Variants in CAMKMT observed in about 807,000 individuals in gnomAD.
CAMKMT encodes the protein calmodulin-lysine N-methyltransferase, also known as CaM KMT.
A neutral mutation model predicts 48.0 loss-of-function variants in CAMKMT; 53 were observed. The observed-to-expected ratio is 1.10, with a 90% CI of 0.89 to 1.39. CAMKMT has a LOEUF of 1.39. Ranked by LOEUF, CAMKMT falls within the 40% of genes most tolerant of loss-of-function variation. The probability of loss-of-function intolerance (pLI) is 0.00; values close to 1 mark genes in which losing one functional copy is unlikely to be tolerated. For missense variants in CAMKMT, 428 were observed against 402.7 expected (o/e 1.06, Z -0.54); for synonymous variants, 165 against 152.3 (o/e 1.08, Z -0.61).
intron 7 of CAMKMT, among the ~76,000 whole-genome samples, chr2:44,740,123 C>CTTT (rs1558828998): frequency 7.7e-6 from 1 of 130,050 alleles, no homozygotes; most frequent in African/African-American, 2.9e-5. Context: ...CTGATTGCTG[C>CTTT]ATTTTTTTTT....
chr2:44,591,482 T>G (rs1670268541), intron 3 of CAMKMT, among the ~76,000 whole-genome samples: 1 of 152,150 alleles, frequency 6.6e-6, no homozygotes. Context: ...CCCTTGTAAG[T>G]TGGATTCCTA....
chr2:44,494,288 T>C (rs916509870), intron 3 of CAMKMT, among the ~76,000 whole-genome samples: 1 of 152,240 alleles, frequency 6.6e-6, no homozygotes, highest in Non-Finnish European at 1.5e-5. Context: ...ATGTCAACTC[T>C]TGTTGACTTG....
intron 3 of CAMKMT, among the ~76,000 whole-genome samples, chr2:44,582,867 C>G (rs909812488): frequency 1.3e-5 from 2 of 152,168 alleles, no homozygotes; most frequent in African/African-American, 4.8e-5. Context: ...AAGAAAGTGA[C>G]TCCCAGTTTC....
intron 3 of CAMKMT, among the ~76,000 whole-genome samples, chr2:44,695,867 G>A (rs1259564123): frequency 6.6e-6 from 1 of 150,630 alleles, no homozygotes; most frequent in Non-Finnish European, 1.5e-5. Flanking sequence ...CATGGATTCT[G>A]CATCTGAGGA....
intron 8 of CAMKMT, among the ~76,000 whole-genome samples, chr2:44,745,007 G>A (rs955532104): frequency 7.2e-5 from 11 of 152,100 alleles, no homozygotes; most frequent in African/African-American, 1.7e-4. Flanking sequence ...AAACCTCACC[G>A]TATGATTCGA....
At chr2:44,599,085 G>A (rs1670835730) in intron 3 of CAMKMT, among the ~76,000 whole-genome samples, 1 of 152,020 alleles carries the variant, frequency 6.6e-6, no homozygotes, top group African/African-American at 2.4e-5. Flanking sequence ...GTTGACACAT[G>A]TAAGTTCCTG....
intron 3 of CAMKMT, among the ~76,000 whole-genome samples, chr2:44,612,689 C>G (rs187491061): frequency 3.9e-5 from 6 of 152,146 alleles, no homozygotes; most frequent in Admixed American, 3.9e-4. Context: ...CAACATTGGC[C>G]AAATGCAGAT....
chr2:44,732,617 A>G (rs1679139077), intron 7 of CAMKMT, among the ~76,000 whole-genome samples: 2 of 152,230 alleles, frequency 1.3e-5, no homozygotes, highest in South Asian at 4.1e-4. Flanking sequence ...CTATAGGCAC[A>G]TGTCACCATG....
At chr2:44,539,362 G>C (rs1218593658) in intron 3 of CAMKMT, among the ~76,000 whole-genome samples, 4 of 148,646 alleles carry the variant, frequency 2.7e-5, no homozygotes, top group Non-Finnish European at 5.9e-5. Context: ...TGTCTATATT[G>C]TTTTTCTGAA....
intron 2 of CAMKMT, among the ~76,000 whole-genome samples, chr2:44,375,934 T>C (rs981432919): frequency 2.6e-5 from 4 of 151,990 alleles, no homozygotes; most frequent in African/African-American, 9.7e-5. Flanking sequence ...TACAGGTGTG[T>C]GCCATCACAC....
chr2:44,491,349 TTTAA>T (rs1438138332), intron 3 of CAMKMT, among the ~76,000 whole-genome samples: 1 of 152,136 alleles, frequency 6.6e-6, no homozygotes, highest in African/African-American at 2.4e-5. Flanking sequence ...TTGTTCTGCT[TTTAA>T]TTATCATATG....
Position 44,704,354 on chromosome 2 carries a change from G to A in CAMKMT, c.437+11G>A, listed in dbSNP as rs149508645. 8.5e-3 allele frequency: 13,123 copies of A among 1,547,814 alleles called. 103 individuals are homozygous for A. Among genetic ancestry groups the A allele is most frequent in the South Asian group, 0.023 (1,760 of 77,904 alleles). On this transcript the variant is annotated intron_variant, in intron 4 of 10. Coordinates refer to ENST00000378494, the MANE Select transcript of CAMKMT (RefSeq NM_024766.5). ...CAATAATATATTCAGGTACAGAGCT[G>A]CACTTAAGATATTTTTTAGCCCATC...
chr2:44,631,645 T>C (rs1331054995), intron 3 of CAMKMT: 3 of 430,260 alleles, frequency 7.0e-6, no homozygotes, highest in Non-Finnish European at 1.2e-5. Flanking sequence ...GGTCTTGGAT[T>C]TTGAGCCCAT....
intron 3 of CAMKMT, chr2:44,631,409 T>C: frequency 1.9e-6 from 1 of 526,330 alleles, no homozygotes; most frequent in Non-Finnish European, 3.3e-6. Flanking sequence ...ATAATAATAG[T>C]AATAATAATA....
chr2:44,684,935 A>G (rs1417864660), intron 3 of CAMKMT, among the ~76,000 whole-genome samples: 2 of 152,156 alleles, frequency 1.3e-5, no homozygotes, highest in African/African-American at 4.8e-5. Flanking sequence ...GTAGAGAGAC[A>G]GCATTTAAAG....
At chr2:44,575,064 C>T (rs781625085) in intron 3 of CAMKMT, among the ~76,000 whole-genome samples, 5 of 151,276 alleles carry the variant, frequency 3.3e-5, no homozygotes, top group Non-Finnish European at 5.9e-5. Flanking sequence ...CATGTTTCTC[C>T]TTTTATTTAT....
chr2:44,496,697 T>G (rs1443409040), intron 3 of CAMKMT, among the ~76,000 whole-genome samples: 1 of 152,220 alleles, frequency 6.6e-6, no homozygotes, highest in Non-Finnish European at 1.5e-5. Context: ...GAATTCTCTC[T>G]CTTCATCATA....
chr2:44,734,265 A>G lies in CAMKMT; in HGVS notation c.624-9357A>G, dbSNP rs151151282. Among the ~76,000 whole-genome samples the G allele has an allele frequency of 5.9e-5, 9 of 152,096 alleles. No homozygotes were observed. The East Asian group carries it at 1.5e-3, about 26-fold the overall frequency. ...TTTTGATGTGTTGTATTTTCATTCA[A>G]CGCAAAATAATTGTCAGTTTATGTT... On this transcript the variant is annotated intron_variant, in intron 7 of 10. Coordinates refer to ENST00000378494, the MANE Select transcript of CAMKMT (RefSeq NM_024766.5).
At chr2:44,443,363 A>AT (rs560248008) in intron 3 of CAMKMT, among the ~76,000 whole-genome samples, 5 of 152,096 alleles carry the variant, frequency 3.3e-5, no homozygotes, top group South Asian at 2.1e-4. Flanking sequence ...TAATATTACC[A>AT]TTTTTTTATA....
Sources: gnomAD v4.1 joint callset for allele counts (sites outside exome capture counted in the v4.1 genomes callset) on GRCh38, gnomAD v4.1.1 for gene constraint, MANE v1.5 for transcripts, NCBI Gene and HGNC (gene_info 2026-07-23, HGNC 2026-07-21) for gene names.